Variants in SLC26A4 observed in about 807,000 individuals in gnomAD.
SLC26A4 encodes the protein pendrin.
In SLC26A4, 93 loss-of-function variants were observed where a neutral mutation model predicts 90.4. The observed-to-expected ratio is 1.03, with a 90% CI of 0.87 to 1.22. The LOEUF is 1.22. SLC26A4 is among the 50% of genes most tolerant of loss of function. The probability of loss-of-function intolerance (pLI) is 0.00; values close to 1 mark genes in which losing one functional copy is unlikely to be tolerated. For missense variants in SLC26A4, 1,127 were observed against 946.2 expected (o/e 1.19, Z -2.51); for synonymous variants, 393 against 354.6 (o/e 1.11, Z -1.22).
chr7:107,677,596 T>G (rs1354676820), intron 6 of SLC26A4, among the ~76,000 whole-genome samples: 1 of 151,408 alleles, frequency 6.6e-6, no homozygotes, highest in East Asian at 1.9e-4. Flanking sequence ...CTCAGTTTTC[T>G]ATTAAAAAAG....
chr7:107,681,458 AAGT>A (rs1791227826), intron 6 of SLC26A4, among the ~76,000 whole-genome samples: 1 of 152,186 alleles, frequency 6.6e-6, no homozygotes, highest in Non-Finnish European at 1.5e-5. Flanking sequence ...ATTATTTTAA[AAGT>A]AGTTTATCTG....
intron 19 of SLC26A4, 30 bp from the exon 20 acceptor site, chr7:107,712,509 C>T: frequency 8.6e-7 from 1 of 1,160,988 alleles, no homozygotes; most frequent in Non-Finnish European, 1.3e-6. Context: ...TGATGCTATT[C>T]TATTTCTACC....
At chr7:107,704,957 T>G (rs1390667045) in intron 18 of SLC26A4, among the ~76,000 whole-genome samples, 1 of 152,204 alleles carries the variant, frequency 6.6e-6, no homozygotes, top group Non-Finnish European at 1.5e-5. Flanking sequence ...GGGAGCTTAG[T>G]CTAAAACAAT....
chr7:107,708,340 T>C lies in SLC26A4; in HGVS notation c.2090-1714T>C, dbSNP rs181235483. ...GTACCTTAGGACAAAGATTTACTTT[T>C]CTTTTCTCCTTATCATTTTGACCAT... is the stretch of plus-strand genomic sequence containing the variant. On this transcript the variant is annotated intron_variant, in intron 18 of 20. Transcript: ENST00000644269. 1.8e-3 allele frequency among the ~76,000 whole-genome samples: 267 copies of C among 152,326 alleles called. 1 individual carries two copies. The highest frequency in any genetic ancestry group is 1.8e-3 in the Non-Finnish European group (120 of 68,030).
intron 6 of SLC26A4, among the ~76,000 whole-genome samples, chr7:107,678,638 A>C (rs1397876996): frequency 6.6e-6 from 1 of 152,190 alleles, no homozygotes; most frequent in Non-Finnish European, 1.5e-5. Context: ...AGTTTAGCAT[A>C]CAGCATAGAA....
intron 8 of SLC26A4, among the ~76,000 whole-genome samples, chr7:107,683,955 A>T (rs373081951): frequency 6.6e-6 from 1 of 152,226 alleles, no homozygotes; most frequent in Non-Finnish European, 1.5e-5. Flanking sequence ...GATAATAATT[A>T]TATCCTCGTA....
chr7:107,708,982 T>C (rs528721486), intron 18 of SLC26A4, among the ~76,000 whole-genome samples: 173 of 152,184 alleles, frequency 1.1e-3, no homozygotes, highest in Non-Finnish European at 2.1e-3. Flanking sequence ...TTGAATTCTT[T>C]AGCAGCAGAG....
intron 6 of SLC26A4, among the ~76,000 whole-genome samples, chr7:107,679,527 G>A (rs1431244774): frequency 6.6e-6 from 1 of 151,778 alleles, no homozygotes; most frequent in East Asian, 1.9e-4. Flanking sequence ...TTTTCTTACG[G>A]TTTCATAAAC....
At chr7:107,662,983 C>T (rs999860496) in intron 2 of SLC26A4, among the ~76,000 whole-genome samples, 1 of 152,128 alleles carries the variant, frequency 6.6e-6, no homozygotes, top group Admixed American at 6.5e-5. Context: ...CATTTAGAGA[C>T]TCCACATCCA....
At position 107,712,388 on chromosome 7, in the gene SLC26A4, G is replaced by T. The variant is rs78318785; in HGVS notation, c.2236-151G>T. 7.6e-3 allele frequency: 4,721 copies of T among 620,016 alleles called. 153 individuals are homozygous for T. The African/African-American group carries it at 0.076, about 10-fold the overall frequency. The allele number at this position is 620,016 out of a possible 1,614,324, so 38.4% of individuals were successfully genotyped here. ...AAAAAATGATATACAAAAAATTTTA[G>T]TTGGGAAATATAAAAGAACAATACA... On this transcript the variant is annotated intron_variant, in intron 19 of 20. Transcript: ENST00000644269.
chr7:107,669,467 T>G (rs1193467828), intron 3 of SLC26A4, among the ~76,000 whole-genome samples: 1 of 152,206 alleles, frequency 6.6e-6, no homozygotes, highest in Non-Finnish European at 1.5e-5. Context: ...AATGTCCATA[T>G]GAAATAGACA....
At chr7:107,681,465 TTATC>T (rs1448163801) in intron 6 of SLC26A4, among the ~76,000 whole-genome samples, 6 of 152,160 alleles carry the variant, frequency 3.9e-5, no homozygotes, top group African/African-American at 1.2e-4. Context: ...TAAAAGTAGT[TTATC>T]TGTGAAAATA....
At chr7:107,709,807 A>G (rs1366929283) in intron 18 of SLC26A4, among the ~76,000 whole-genome samples, 2 of 152,224 alleles carry the variant, frequency 1.3e-5, no homozygotes, top group Non-Finnish European at 2.9e-5. Flanking sequence ...GAGGAGCTAC[A>G]AAAACTTAGT....
chr7:107,702,114 G>A, intron 17 of SLC26A4, 57 bp downstream of exon 17: 1 of 1,161,044 alleles, frequency 8.6e-7, no homozygotes, highest in Non-Finnish European at 1.3e-6. Flanking sequence ...GTAAAATGAT[G>A]TGGGTTGTCC....
chr7:107,676,677 T>TA (rs1223185611), intron 6 of SLC26A4, among the ~76,000 whole-genome samples: 1 of 152,204 alleles, frequency 6.6e-6, no homozygotes, highest in East Asian at 1.9e-4. Context: ...AAGACCCACC[T>TA]ATTAGCTTCT....
At chr7:107,670,042 A>T (rs921223867) in intron 3 of SLC26A4, among the ~76,000 whole-genome samples, 1 of 151,750 alleles carries the variant, frequency 6.6e-6, no homozygotes, top group South Asian at 2.1e-4. Context: ...AAAGTTTATT[A>T]TATTATTCAT....
chr7:107,678,190 A>T (rs748821054), intron 6 of SLC26A4, among the ~76,000 whole-genome samples: 34 of 152,106 alleles, frequency 2.2e-4, no homozygotes, highest in South Asian at 4.1e-4. Flanking sequence ...TCTCCATCAA[A>T]TGTTCACTCA....
At position 107,662,115 on chromosome 7, in the gene SLC26A4, A is replaced by G. The variant is rs1790576621; in HGVS notation, c.164+310A>G. 5 of 466,166 alleles carry G rather than the reference A, an allele frequency of 1.1e-5. No homozygotes were observed. In the South Asian group the frequency reaches 1.4e-4, roughly 13 times the overall value. The allele number at this position is 466,166 out of a possible 1,614,324, so 28.9% of individuals were successfully genotyped here. A position where few individuals can be genotyped will look rare whatever the true frequency, so the allele number is the denominator to read the frequency against. Reference sequence around the variant, plus strand: ...AAACTTGGAGTGCCTCTTGGGGTACAGTGGGTCCCTGTTGCCTTCTTGGGA... The same window carrying G: ...AAACTTGGAGTGCCTCTTGGGGTACGGTGGGTCCCTGTTGCCTTCTTGGGA... On this transcript the variant is annotated intron_variant, in intron 2 of 20. Transcript: ENST00000644269.
At chr7:107,676,240 T>C (rs1161047234) in intron 6 of SLC26A4, among the ~76,000 whole-genome samples, 3 of 152,198 alleles carry the variant, frequency 2.0e-5, no homozygotes, top group African/African-American at 7.2e-5. Flanking sequence ...TAAGAATAGA[T>C]AAGCACTTGG....
Sources: allele counts gnomAD v4.1 joint callset (sites outside exome capture counted in the v4.1 genomes callset), GRCh38; gene constraint gnomAD v4.1.1; transcripts MANE v1.5; gene names NCBI Gene and HGNC (gene_info 2026-07-23, HGNC 2026-07-21).